Variants in IQCM observed in about 807,000 individuals in gnomAD.
IQCM encodes the protein IQ motif containing M.
A neutral mutation model predicts 57.6 loss-of-function variants in IQCM; 45 were observed. The observed-to-expected ratio is 0.78, with a 90% CI of 0.62 to 1.00. The LOEUF (loss-of-function observed/expected upper bound fraction) is 1.00, where lower values mean the gene tolerates loss of function less well. Ranked by LOEUF, IQCM falls within the 50% of genes least tolerant of loss-of-function variation. The probability of loss-of-function intolerance (pLI) is 0.00; values close to 1 mark genes in which losing one functional copy is unlikely to be tolerated. For synonymous variants in IQCM, 148 were observed against 158.9 expected, an observed-to-expected ratio of 0.93 and a Z score of 0.51; for missense variants, 468 against 511.6, an observed-to-expected ratio of 0.91 and a Z score of 0.82.
intron 2 of IQCM, among the ~76,000 whole-genome samples, chr4:149,785,930 A>G (rs1028449662): frequency 1.3e-5 from 2 of 152,114 alleles, no homozygotes; most frequent in African/African-American, 4.8e-5. Context: ...TGTAACACTG[A>G]GCCAAAATTC....
rs192944805 is a variant in IQCM, at chr4:149,539,359, G to C, written c.1228+9096C>G. The stretch of plus-strand genomic sequence containing the variant: ...AATGACAAATCTATAGAGACAGAAG[G>C]CTGTCTAGTCGTTGTCTGGGGCTGG... On this transcript the variant is annotated intron_variant, in intron 12 of 13. Transcript: ENST00000636793. 8.5e-5 allele frequency among the ~76,000 whole-genome samples: 13 copies of C among 152,222 alleles called. 1 individual carries two copies. The highest frequency in any genetic ancestry group is 6.8e-3 in the Middle Eastern group (2 of 294).
At chr4:149,442,842 C>G (rs1736083503) in intron 12 of IQCM, among the ~76,000 whole-genome samples, 2 of 151,920 alleles carry the variant, frequency 1.3e-5, no homozygotes, top group South Asian at 4.2e-4. Context: ...CCTCCACACA[C>G]TGATCAATTC....
In IQCM at chr4:149,563,693, T is replaced by C. The variant is rs1750348160; in HGVS notation, c.947A>G (p.Lys316Arg). The C allele has an allele frequency of 1.2e-5, 15 of 1,231,296 alleles. No individual in the cohort carries two copies. The highest frequency in any genetic ancestry group is 1.5e-5 in the Non-Finnish European group (15 of 987,228). The allele number at this position is 1,231,296 out of a possible 1,614,324, so 76.3% of individuals were successfully genotyped here. A position where few individuals can be genotyped will look rare whatever the true frequency, so the allele number is the denominator to read the frequency against. The change falls in exon 10 of 14, where the codon AAG (lysine) becomes AGG (arginine). Residue 316 changes from lysine to arginine, a missense_variant and splice_region_variant. Lys to Arg is a conservative substitution (Grantham distance 26). Coordinates refer to ENST00000636793, the MANE Select transcript of IQCM (RefSeq NM_001363507.2). ...ERKRLQRVMTKALDHGPDMKA... is the reference protein window; with the variant it reads ...ERKRLQRVMTRALDHGPDMKA... ...TATAATATCTGATGGATATCTTACC[T>C]TGGTCATTACTCTTTGCAATCTTTT...
chr4:149,469,623 T>C (rs554039524), intron 12 of IQCM, among the ~76,000 whole-genome samples: 4 of 152,084 alleles, frequency 2.6e-5, no homozygotes, highest in Admixed American at 6.6e-5. Flanking sequence ...ACACAGAGAA[T>C]GCCACAAAGA....
chr4:149,400,664 T>A (rs1732555567), intron 13 of IQCM, among the ~76,000 whole-genome samples: 1 of 151,928 alleles, frequency 6.6e-6, no homozygotes, highest in Non-Finnish European at 1.5e-5. Flanking sequence ...TAAAATACAT[T>A]ATGAGGCAAA....
At chr4:149,388,842 T>C (rs1413742057) in intron 13 of IQCM, among the ~76,000 whole-genome samples, 1 of 149,696 alleles carries the variant, frequency 6.7e-6, no homozygotes, top group Non-Finnish European at 1.5e-5. Flanking sequence ...TTAAATTAGG[T>C]TGCCTTTTAT....
chr4:149,801,544 G>A (rs532758902), intron 2 of IQCM, among the ~76,000 whole-genome samples: 27 of 152,062 alleles, frequency 1.8e-4, no homozygotes, highest in African/African-American at 6.3e-4. Context: ...TATACACAAT[G>A]GAGTACTATT....
chr4:149,422,826 G>T (rs1734205904), intron 13 of IQCM, among the ~76,000 whole-genome samples: 1 of 151,902 alleles, frequency 6.6e-6, no homozygotes, highest in African/African-American at 2.4e-5. Flanking sequence ...CCCACTCAAG[G>T]TTTAAATATT....
At chr4:149,706,756 G>C (rs1580073237) in intron 5 of IQCM, among the ~76,000 whole-genome samples, 1 of 151,890 alleles carries the variant, frequency 6.6e-6, no homozygotes, top group African/African-American at 2.4e-5. Flanking sequence ...AAAACAGTGG[G>C]TTCTGGTCTT....
At chr4:149,664,896 G>A (rs1227305177) in intron 7 of IQCM, among the ~76,000 whole-genome samples, 2 of 152,166 alleles carry the variant, frequency 1.3e-5, no homozygotes, top group African/African-American at 4.8e-5. Context: ...GCTATGCTAT[G>A]CCAGTGTGCA....
At chr4:149,355,466 TC>T (rs1183574277) in intron 13 of IQCM, among the ~76,000 whole-genome samples, 1 of 149,306 alleles carries the variant, frequency 6.7e-6, no homozygotes, top group African/African-American at 2.5e-5. Flanking sequence ...ATTGTTCAAT[TC>T]CCACCTATGA....
intron 12 of IQCM, among the ~76,000 whole-genome samples, chr4:149,530,764 T>C (rs1746648128): frequency 6.7e-6 from 1 of 149,692 alleles, no homozygotes; most frequent in East Asian, 2.0e-4. Flanking sequence ...TCATGTTACC[T>C]ACACCTGCAT....
chr4:149,717,450 T>G (rs993933792), intron 5 of IQCM, among the ~76,000 whole-genome samples: 6 of 152,218 alleles, frequency 3.9e-5, no homozygotes, highest in Admixed American at 3.9e-4. Flanking sequence ...AAACACACTT[T>G]GTTTTTCCCT....
At chr4:149,607,788 C>T (rs1754923958) in intron 8 of IQCM, among the ~76,000 whole-genome samples, 1 of 151,634 alleles carries the variant, frequency 6.6e-6, no homozygotes, top group South Asian at 2.1e-4. Context: ...AGATACGTAA[C>T]ATTTTAAGAA....
intron 5 of IQCM, among the ~76,000 whole-genome samples, chr4:149,709,851 A>G (rs1764431281): frequency 6.6e-6 from 1 of 152,068 alleles, no homozygotes. Flanking sequence ...GAGTGCAAAC[A>G]TTTTCTCCTG....
intron 12 of IQCM, among the ~76,000 whole-genome samples, chr4:149,507,257 G>T (rs1743922953): frequency 6.6e-6 from 1 of 152,222 alleles, no homozygotes; most frequent in Non-Finnish European, 1.5e-5. Flanking sequence ...TGGAACAGCA[G>T]AGTGAGGCGC....
intron 7 of IQCM, among the ~76,000 whole-genome samples, chr4:149,678,361 G>A (rs1374334393): frequency 6.6e-6 from 1 of 151,824 alleles, no homozygotes; most frequent in African/African-American, 2.4e-5. Flanking sequence ...CATGCCAGGA[G>A]AAAATAGAAT....
intron 7 of IQCM, among the ~76,000 whole-genome samples, chr4:149,678,334 T>A: frequency 6.6e-6 from 1 of 151,884 alleles, no homozygotes. Context: ...GCAACAGACT[T>A]CTCAATGGAA....
At chr4:149,518,985 A>G (rs912535789) in intron 12 of IQCM, among the ~76,000 whole-genome samples, 1 of 152,246 alleles carries the variant, frequency 6.6e-6, no homozygotes, top group African/African-American at 2.4e-5. Context: ...AACAAATAAT[A>G]GATAACAAAT....
Sources: allele counts gnomAD v4.1 joint callset (sites outside exome capture counted in the v4.1 genomes callset), GRCh38; gene constraint gnomAD v4.1.1; transcripts MANE v1.5; gene names NCBI Gene and HGNC (gene_info 2026-07-23, HGNC 2026-07-21).